The following SLC35F1 variants were observed in gnomAD, a reference collection of about 807,000 sequenced individuals.
SLC35F1 encodes the protein solute carrier family 35 member F1.
Under a neutral mutation model 48.7 loss-of-function variants are expected in SLC35F1, and 14 were observed. The ratio of observed to expected loss-of-function variants is 0.29; its 90% CI spans 0.19 to 0.45. The LOEUF (loss-of-function observed/expected upper bound fraction) is 0.45, where lower values mean the gene tolerates loss of function less well. SLC35F1 is among the 20% of genes least tolerant of loss of function. The pLI, the probability that SLC35F1 is intolerant of heterozygous loss-of-function variation, is 1.00. For synonymous variants in SLC35F1, 190 were observed against 202.2 expected, an observed-to-expected ratio of 0.94 and a Z score of 0.51; for missense variants, 404 against 500.0, an observed-to-expected ratio of 0.81 and a Z score of 1.83.
intron 2 of SLC35F1, 27 bp from the exon 3 acceptor site, chr6:118,235,482 C>G (rs754954354): frequency 1.9e-6 from 3 of 1,603,854 alleles, no homozygotes; most frequent in African/African-American, 2.7e-5. Flanking sequence ...GGAACCTAAC[C>G]CATTTCTTCT....
At chr6:117,956,486 C>T (rs553841364) in intron 1 of SLC35F1, among the ~76,000 whole-genome samples, 2 of 152,212 alleles carry the variant, frequency 1.3e-5, no homozygotes, top group East Asian at 1.9e-4. Flanking sequence ...GTGATTAAAC[C>T]TTCAATGAGT....
chr6:118,240,240 C>G (rs1209862725), intron 3 of SLC35F1, among the ~76,000 whole-genome samples: 1 of 152,058 alleles, frequency 6.6e-6, no homozygotes, highest in Admixed American at 6.5e-5. Flanking sequence ...AGAGCAGACA[C>G]CTAAGTGCTA....
chr6:117,939,385 C>G (rs530490019), intron 1 of SLC35F1, among the ~76,000 whole-genome samples: 2 of 152,286 alleles, frequency 1.3e-5, no homozygotes, highest in African/African-American at 4.8e-5. Context: ...TTCACCCCAG[C>G]CAGGGACTGC....
intron 1 of SLC35F1, among the ~76,000 whole-genome samples, chr6:118,091,411 C>T (rs1022309405): frequency 3.3e-5 from 5 of 152,166 alleles, no homozygotes; most frequent in African/African-American, 7.2e-5. Context: ...GAACAAGTCT[C>T]ATGGGATCTG....
At chr6:118,023,280 A>T (rs1777421734) in intron 1 of SLC35F1, among the ~76,000 whole-genome samples, 1 of 152,066 alleles carries the variant, frequency 6.6e-6, no homozygotes, top group African/African-American at 2.4e-5. Flanking sequence ...GAAAATGCTG[A>T]CCCCCTTGTT....
chr6:118,170,985 G>A (rs1401010250), intron 2 of SLC35F1, among the ~76,000 whole-genome samples: 1 of 152,014 alleles, frequency 6.6e-6, no homozygotes, highest in Non-Finnish European at 1.5e-5. Context: ...ATGTGTTTTT[G>A]TGTAAATGCT....
chr6:118,206,091 T>G (rs1212544503), intron 2 of SLC35F1, among the ~76,000 whole-genome samples: 3 of 152,232 alleles, frequency 2.0e-5, no homozygotes, highest in Non-Finnish European at 4.4e-5. Flanking sequence ...TGTAAATGTA[T>G]GGCTATATGA....
chr6:118,102,669 A>G (rs1269654522), intron 1 of SLC35F1, among the ~76,000 whole-genome samples: 1 of 152,206 alleles, frequency 6.6e-6, no homozygotes, highest in East Asian at 1.9e-4. Flanking sequence ...ACTGCTGTGC[A>G]CCTCAGAAGC....
At chr6:117,942,957 A>G (rs1188926205) in intron 1 of SLC35F1, among the ~76,000 whole-genome samples, 2 of 152,196 alleles carry the variant, frequency 1.3e-5, no homozygotes, top group Non-Finnish European at 2.9e-5. Flanking sequence ...AATTATGATC[A>G]ATTTCTCTTA....
At chr6:117,919,047 C>T (rs1421999930) in intron 1 of SLC35F1, among the ~76,000 whole-genome samples, 1 of 152,056 alleles carries the variant, frequency 6.6e-6, no homozygotes, top group Admixed American at 6.6e-5. Flanking sequence ...AGGTGTGCAC[C>T]ACCATGCTGG....
At chr6:117,999,171 G>A (rs1217286900) in intron 1 of SLC35F1, 3 of 1,594,972 alleles carry the variant, frequency 1.9e-6, no homozygotes, top group African/African-American at 1.3e-5. Flanking sequence ...AAGGCCATGA[G>A]TGCACGTGCC....
intron 1 of SLC35F1, among the ~76,000 whole-genome samples, chr6:117,932,335 G>T (rs916339159): frequency 3.3e-5 from 5 of 152,078 alleles, no homozygotes; most frequent in Non-Finnish European, 7.4e-5. Flanking sequence ...CAATTTTTTT[G>T]ACCATTATCT....
At chr6:118,091,087 T>C (rs1299249337) in intron 1 of SLC35F1, among the ~76,000 whole-genome samples, 1 of 152,224 alleles carries the variant, frequency 6.6e-6, no homozygotes, top group Non-Finnish European at 1.5e-5. Flanking sequence ...GTTGGGTGAA[T>C]TGATCTTAAC....
chr6:117,910,415 C>G (rs1031787516), intron 1 of SLC35F1, among the ~76,000 whole-genome samples: 2 of 152,224 alleles, frequency 1.3e-5, no homozygotes, highest in African/African-American at 4.8e-5. Flanking sequence ...CTTACTTTCT[C>G]CTTTTTTGCT....
At chr6:118,312,298 C>A (rs1468637069) in intron 7 of SLC35F1, among the ~76,000 whole-genome samples, 1 of 152,086 alleles carries the variant, frequency 6.6e-6, no homozygotes, top group African/African-American at 2.4e-5. Flanking sequence ...ATTTCATTCA[C>A]CGAAGTTTAA....
intron 3 of SLC35F1, among the ~76,000 whole-genome samples, chr6:118,259,352 T>C (rs1486885487): frequency 2.8e-4 from 42 of 151,946 alleles, no homozygotes; most frequent in Non-Finnish European, 1.2e-4. Flanking sequence ...TAAAAGTGTA[T>C]ACTCTTTAGA....
intron 7 of SLC35F1, among the ~76,000 whole-genome samples, chr6:118,308,420 CCAGTCGCTCTA>C (rs1473147520): frequency 6.6e-6 from 1 of 152,174 alleles, no homozygotes; most frequent in Admixed American, 6.5e-5. Flanking sequence ...AATTAACAGA[CCAGTCGCTCTA>C]CATGGAAATT....
At chr6:118,310,439 A>G (rs1776359743) in intron 7 of SLC35F1, among the ~76,000 whole-genome samples, 1 of 152,196 alleles carries the variant, frequency 6.6e-6, no homozygotes, top group Non-Finnish European at 1.5e-5. Context: ...AGAATAGGGG[A>G]TCATTCTATT....
chr6:117,941,785 T>A (rs72957819), intron 1 of SLC35F1, among the ~76,000 whole-genome samples: 1 of 152,178 alleles, frequency 6.6e-6, no homozygotes, highest in Non-Finnish European at 1.5e-5. Flanking sequence ...TCTTGTTTAC[T>A]TGAAGCTTTT....
Sources: allele counts gnomAD v4.1 joint callset (sites outside exome capture counted in the v4.1 genomes callset), GRCh38; gene constraint gnomAD v4.1.1; transcripts MANE v1.5; gene names NCBI Gene and HGNC (gene_info 2026-07-23, HGNC 2026-07-21).